Variants in BAZ2B observed in about 807,000 individuals in gnomAD.
BAZ2B encodes bromodomain adjacent to zinc finger domain protein 2B.
In BAZ2B, 91 loss-of-function variants were observed where a neutral mutation model predicts 246.0. The ratio of observed to expected loss-of-function variants is 0.37; its 90% CI spans 0.31 to 0.44. The LOEUF (loss-of-function observed/expected upper bound fraction) is 0.44, where lower values mean the gene tolerates loss of function less well. Ranked by LOEUF, BAZ2B falls within the 20% of genes least tolerant of loss-of-function variation. The probability of loss-of-function intolerance (pLI) is 1.00; values close to 1 mark genes in which losing one functional copy is unlikely to be tolerated. For synonymous variants in BAZ2B, 855 were observed against 860.0 expected (o/e 0.99, Z 0.10); for missense variants, 2,332 against 2,533.7 (o/e 0.92, Z 1.71).
At chr2:159,479,614 T>C (rs975574776) in intron 2 of BAZ2B, among the ~76,000 whole-genome samples, 1 of 152,180 alleles carries the variant, frequency 6.6e-6, no homozygotes, top group Admixed American at 6.5e-5. Context: ...GATTTCTGTA[T>C]TGAATTCTAC....
chr2:159,365,814 G>A (rs1231342394), intron 27 of BAZ2B, among the ~76,000 whole-genome samples: 1 of 152,178 alleles, frequency 6.6e-6, no homozygotes, highest in Non-Finnish European at 1.5e-5. Flanking sequence ...AGATAATGAT[G>A]GACTGTGCTT....
Position 159,324,926 on chromosome 2 carries a change from C to G in BAZ2B, c.6238G>C (p.Glu2080Gln), listed in dbSNP as rs538106370. Residue 2080 changes from glutamate (E) to glutamine (Q), a missense_variant, in exon 36 of 37, where the codon GAG (glutamate) becomes CAG (glutamine). By Grantham distance (29) the Glu-to-Gln change is conservative. This residue lies in a region of BAZ2B where 210 missense variants were observed against 232.5 expected (regional missense o/e 0.90). Coordinates refer to ENST00000392783, the MANE Select transcript of BAZ2B (RefSeq NM_013450.4). The part of the protein sequence containing the change: ...SMILTEMETH[E>Q]DAWPFLLPVN... ...GGAAGTAGAAAAGGCCATGCATCCTCATGAGTTTCCATTTCAGTCAGAATC... is the reference window on the plus strand; with the variant it reads ...GGAAGTAGAAAAGGCCATGCATCCTGATGAGTTTCCATTTCAGTCAGAATC... 26 of 1,549,074 alleles carry G rather than the reference C, an allele frequency of 1.7e-5. No individual in the cohort carries two copies. The South Asian group carries it at 3.1e-4, about 18-fold the overall frequency.
At position 159,349,028 on chromosome 2, in the gene BAZ2B, T is replaced by C; in HGVS notation, c.5116A>G (p.Ser1706Gly). The change falls in exon 29 of 37, where the codon AGT becomes GGT. Residue 1706 changes from serine (S) to glycine (G), a missense_variant. Ser to Gly is a moderately conservative substitution (Grantham distance 56). This residue lies in a region of BAZ2B where 676 missense variants were observed against 668.6 expected (regional missense o/e 1.01). Transcript: ENST00000392783. ...VEVAKPVDFPSPKPIPEEMQF... is the reference protein window; with the variant it reads ...VEVAKPVDFPGPKPIPEEMQF... Reference sequence around the variant, plus strand: ...CTACCTTCTGGAATAGGTTTTGGACTAGGAAAATCTACTGGTTTTGCTACT... The same window carrying C: ...CTACCTTCTGGAATAGGTTTTGGACCAGGAAAATCTACTGGTTTTGCTACT... 6.2e-7 allele frequency: 1 copy of C among 1,614,146 alleles called. No individual in the cohort carries two copies. The highest frequency in any genetic ancestry group is 8.5e-7 in the Non-Finnish European group (1 of 1,179,984).
chr2:159,388,953 G>A (rs928151661), intron 21 of BAZ2B, among the ~76,000 whole-genome samples: 3 of 152,040 alleles, frequency 2.0e-5, no homozygotes, highest in Non-Finnish European at 2.9e-5. Context: ...GGTGGCAAGC[G>A]CCTGTGGTCC....
the BAZ2B span, among the ~76,000 whole-genome samples, chr2:159,628,717 C>T: frequency 6.3e-3 from 965 of 152,238 alleles, 9 homozygotes; most frequent in African/African-American, 0.022. Context: ...CATAAAAACC[C>T]TAGAAGAAAA....
chr2:159,673,764 A>T, the BAZ2B span, among the ~76,000 whole-genome samples: 1 of 152,206 alleles, frequency 6.6e-6, no homozygotes, highest in African/African-American at 2.4e-5. Context: ...ATAAAAAAGT[A>T]CATAGAGTAG....
chr2:159,663,707 C>A, the BAZ2B span, among the ~76,000 whole-genome samples: 3 of 150,562 alleles, frequency 2.0e-5, no homozygotes, highest in East Asian at 5.9e-4. Flanking sequence ...TTGGTAGAGA[C>A]GGGGTTTCAC....
At chr2:159,711,373 A>G in the BAZ2B span, among the ~76,000 whole-genome samples, 4 of 152,218 alleles carry the variant, frequency 2.6e-5, no homozygotes, top group South Asian at 8.3e-4. Flanking sequence ...AATTTATAGT[A>G]TTTTAGAATT....
intron 27 of BAZ2B, among the ~76,000 whole-genome samples, chr2:159,370,020 G>A (rs2060648305): frequency 6.6e-6 from 1 of 152,082 alleles, no homozygotes; most frequent in African/African-American, 2.4e-5. Context: ...GTCCTTTGTA[G>A]GGACATGGAT....
chr2:159,704,588 T>G, the BAZ2B span, among the ~76,000 whole-genome samples: 2 of 151,574 alleles, frequency 1.3e-5, no homozygotes, highest in African/African-American at 4.8e-5. Context: ...GTTCAAGTGA[T>G]TCTCCTGCCT....
At chr2:159,450,484 A>G (rs1288113488) in intron 4 of BAZ2B, among the ~76,000 whole-genome samples, 1 of 152,142 alleles carries the variant, frequency 6.6e-6, no homozygotes, top group Non-Finnish European at 1.5e-5. Flanking sequence ...ACAAAACAAT[A>G]AGATCAGTTA....
At chr2:159,469,042 T>G (rs1287075651) in intron 3 of BAZ2B, among the ~76,000 whole-genome samples, 2 of 134,376 alleles carry the variant, frequency 1.5e-5, no homozygotes, top group Non-Finnish European at 3.1e-5. Context: ...AGTTCAAGAC[T>G]CTGTCTCAAA....
chr2:159,418,643 A>C (rs151270128), intron 13 of BAZ2B, among the ~76,000 whole-genome samples: 1,574 of 152,176 alleles, frequency 0.01, 48 homozygotes, highest in East Asian at 0.091. Flanking sequence ...ATGTAAATAC[A>C]GTATACCAGT....
At chr2:159,665,748 C>A in the BAZ2B span, among the ~76,000 whole-genome samples, 1 of 151,406 alleles carries the variant, frequency 6.6e-6, no homozygotes, top group Non-Finnish European at 1.5e-5. Flanking sequence ...CCATAAAAAC[C>A]CTAGAAGAAA....
At chr2:159,683,088 TG>T in the BAZ2B span, among the ~76,000 whole-genome samples, 1 of 152,198 alleles carries the variant, frequency 6.6e-6, no homozygotes, top group African/African-American at 2.4e-5. Context: ...AGTTGCCATC[TG>T]TATTATACTT....
chr2:159,499,767 G>C (rs1056003556), intron 2 of BAZ2B, among the ~76,000 whole-genome samples: 1 of 152,152 alleles, frequency 6.6e-6, no homozygotes, highest in African/African-American at 2.4e-5. Flanking sequence ...TTTCTCTAAT[G>C]ATCAGTGATG....
At chr2:159,470,970 C>A (rs540447820) in intron 3 of BAZ2B, among the ~76,000 whole-genome samples, 1 of 151,406 alleles carries the variant, frequency 6.6e-6, no homozygotes, top group Admixed American at 6.6e-5. Flanking sequence ...TAACAGGCCT[C>A]AGAATCAAGG....
intron 1 of BAZ2B, among the ~76,000 whole-genome samples, chr2:159,613,956 CA>C (rs1311777517): frequency 6.6e-6 from 1 of 152,148 alleles, no homozygotes; most frequent in East Asian, 1.9e-4. Context: ...GTGTGTTACA[CA>C]AACCTTTTCA....
the BAZ2B span, among the ~76,000 whole-genome samples, chr2:159,680,428 T>C: frequency 6.6e-6 from 1 of 152,202 alleles, no homozygotes; most frequent in South Asian, 2.1e-4. Context: ...TCCTATATTC[T>C]AAAACAGATT....
Sources: gnomAD v4.1 joint callset for allele counts (sites outside exome capture counted in the v4.1 genomes callset) on GRCh38, gnomAD v4.1.1 for gene constraint, gnomAD v4.1.1 regional missense constraint, MANE v1.5 for transcripts, NCBI Gene and HGNC (gene_info 2026-07-23, HGNC 2026-07-21) for gene names.